Variants in ATP4B observed in about 807,000 individuals in gnomAD.
ATP4B encodes the protein ATPase H+/K+ transporting subunit beta.
A neutral mutation model predicts 35.3 loss-of-function variants in ATP4B; 27 were observed. The observed-to-expected ratio is 0.76, with a 90% CI of 0.56 to 1.05. The LOEUF (loss-of-function observed/expected upper bound fraction) is 1.05. Among genes scored for constraint, ATP4B ranks in the 50% least tolerant of loss-of-function variants. ATP4B has a pLI of 0.00. For missense variants in ATP4B, 375 were observed against 384.8 expected (o/e 0.97, Z 0.21); for synonymous variants, 162 against 156.0 (o/e 1.04, Z -0.29).
At position 113,658,041 on chromosome 13, in the gene ATP4B, G is replaced by C. The variant is rs1273876164; in HGVS notation, c.104C>G (p.Ser35Cys). 6.2e-7 allele frequency: 1 copy of C among 1,601,680 alleles called. No homozygotes were observed. Among genetic ancestry groups the C allele is most frequent in the Non-Finnish European group, 8.5e-7 (1 of 1,175,510 alleles). The change falls in exon 1 of 7, where the codon TCC (serine) becomes TGC (cysteine). Residue 35 changes from serine to cysteine, a missense_variant. Transcript: ENST00000335288. The part of the protein sequence containing the change: ...DTGQMLGRTL[S>C]RWVWISLYYV... ...CCGCCCCCCGCACGTACCCCACCGG[G>C]ACAGGGTGCGGCCCAGCATCTGCCC...
rs140567683 is a variant in ATP4B at position 113,650,853 on chromosome 13, G to A, written c.613-346C>T. Among the ~76,000 whole-genome samples, 403 of 152,260 alleles carry A rather than the reference G, an allele frequency of 2.6e-3. No individual in the cohort carries two copies. The highest frequency in any genetic ancestry group is 9.0e-3 in the African/African-American group (373 of 41,552). ...GCAAGGGCTGGTTTGCCAAAACTGG[G>A]TTACAAGTTGGTGTGAGTGGGGCAA... On this transcript the variant is annotated intron_variant, in intron 5 of 6. Coordinates refer to ENST00000335288, the MANE Select transcript of ATP4B (RefSeq NM_000705.4). This position sits in a 1 kb window ranked among gnomAD's most constrained non-coding sequence, Gnocchi z 5.0.
intron 4 of ATP4B, among the ~76,000 whole-genome samples, chr13:113,652,172 G>C (rs908884795): frequency 1.3e-5 from 2 of 152,148 alleles, no homozygotes; most frequent in Non-Finnish European, 2.9e-5. Context: ...TCCAGCCCCA[G>C]CCATCCCCTG....
intron 1 of ATP4B, among the ~76,000 whole-genome samples, chr13:113,656,101 T>C (rs2049752554): frequency 6.6e-6 from 1 of 152,170 alleles, no homozygotes; most frequent in African/African-American, 2.4e-5. Context: ...CAGCCTCCGG[T>C]TTTGAGTTTC....
At chr13:113,652,801 C>T (rs764093280) in intron 4 of ATP4B, 72 bp downstream of exon 4, 128 of 1,536,932 alleles carry the variant, frequency 8.3e-5, no homozygotes, top group Non-Finnish European at 9.8e-5. Context: ...CTGTGCTCCT[C>T]GTGGTGGGTG....
At chr13:113,656,443 G>A (rs549011458) in intron 1 of ATP4B, among the ~76,000 whole-genome samples, 1 of 152,280 alleles carries the variant, frequency 6.6e-6, no homozygotes, top group East Asian at 1.9e-4. Context: ...CTGCCTCCCG[G>A]GTAGGAGCCC....
chr13:113,651,710 G>A lies in ATP4B; in HGVS notation c.573C>T (p.Pro191=). Residue 191 remains proline, a synonymous_variant, in exon 5 of 7, where the codon CCC becomes CCT. Coordinates refer to ENST00000335288, the MANE Select transcript of ATP4B (RefSeq NM_000705.4). ...IKMNRIVKFL[P]SNGSAPRVDC... ...CCACTCTGGGGGCCGAGCCGTTGCT[G>A]GGGAGGAACTTGACGATCTAGAAGG... is the stretch of plus-strand genomic sequence containing the variant. 6.2e-7 allele frequency: 1 copy of A among 1,613,816 alleles called. No homozygotes were observed. Among genetic ancestry groups the A allele is most frequent in the South Asian group, 1.1e-5 (1 of 91,026 alleles).
Position 113,654,563 on chromosome 13 carries a change from G to A in ATP4B, c.241+251C>T, listed in dbSNP as rs184042525. Among the ~76,000 whole-genome samples the A allele has an allele frequency of 3.6e-4, 55 of 152,370 alleles. 1 individual carries two copies. In the East Asian group the frequency reaches 7.7e-3, roughly 21 times the overall value. ...AAGCCAAAGTCAGATTTTATAATTTGGAGTCATTTTCCTCATGGAAAGAAA... is the reference window on the plus strand; with the variant it reads ...AAGCCAAAGTCAGATTTTATAATTTAGAGTCATTTTCCTCATGGAAAGAAA... On this transcript the variant is annotated intron_variant, in intron 2 of 6. Coordinates refer to ENST00000335288, the MANE Select transcript of ATP4B (RefSeq NM_000705.4).
At position 113,654,808 on chromosome 13, in the gene ATP4B, GC is replaced by G; in HGVS notation, c.241+5del. Reference sequence around the variant, plus strand: ...ACGGCATGGGGGCAACATCCCGGGCGCTTACCTGGTGACCGTAGCTGGTCTT... The same window carrying G: ...ACGGCATGGGGGCAACATCCCGGGCGTTACCTGGTGACCGTAGCTGGTCTT... On this transcript the variant is annotated splice_donor_5th_base_variant and intron_variant, in intron 2 of 6. Coordinates refer to ENST00000335288, the MANE Select transcript of ATP4B (RefSeq NM_000705.4). 6.2e-7 allele frequency: 1 copy of G among 1,613,376 alleles called. No homozygotes were observed. Among genetic ancestry groups the G allele is most frequent in the Non-Finnish European group, 8.5e-7 (1 of 1,179,646 alleles).
At chr13:113,651,770 C>T (rs777500183) in intron 4 of ATP4B, 43 bp from the exon 5 acceptor site, 13 of 1,604,974 alleles carry the variant, frequency 8.1e-6, no homozygotes, top group Admixed American at 3.4e-5. Context: ...CCACCCCCAC[C>T]GCCATGTGAG....
chr13:113,652,765 G>T lies in ATP4B; in HGVS notation c.555+108C>A, dbSNP rs138473007. 5.3e-6 allele frequency: 7 copies of T among 1,329,066 alleles called. No individual in the cohort carries two copies. In the South Asian group the frequency reaches 7.5e-5, roughly 14 times the overall value. The allele number at this position is 1,329,066 out of a possible 1,614,324, so 82.3% of individuals were successfully genotyped here. Reference sequence around the variant, plus strand: ...GTGGTGAGGCTGGAGTCCCTGTCCCGCTTGGGCAAGCCCCAGACAGGACAC... The same window carrying T: ...GTGGTGAGGCTGGAGTCCCTGTCCCTCTTGGGCAAGCCCCAGACAGGACAC... On this transcript the variant is annotated intron_variant, in intron 4 of 6. Transcript: ENST00000335288.
rs780634880 is a variant in ATP4B, at chr13:113,650,421, G to T, written c.699C>A (p.Tyr233Ter). ...GTFSLHYFPY[Y>*]GKKAQPHYSN... ...AGGAACCTACCTGGGCTTTCTTCCC[G>T]TAATAAGGGAAGTAGTGCAGACTGA... The change falls in exon 6 of 7, where the codon TAC becomes TAA. Residue 233 changes from tyrosine (Y) to a stop codon, truncating the protein, a stop_gained. Coordinates refer to ENST00000335288, the MANE Select transcript of ATP4B (RefSeq NM_000705.4). LOFTEE classifies it high-confidence loss of function. The surrounding 1 kb of genome is among the most constrained non-coding windows in gnomAD (Gnocchi z 5.0). 9 of 1,613,894 alleles carry T rather than the reference G, an allele frequency of 5.6e-6. No individual in the cohort carries two copies. The highest frequency in any genetic ancestry group is 7.6e-6 in the Non-Finnish European group (9 of 1,179,830).
chr13:113,656,548 T>C lies in ATP4B; in HGVS notation c.112+1485A>G, dbSNP rs115387013. On this transcript the variant is annotated intron_variant, in intron 1 of 6. Coordinates refer to ENST00000335288, the MANE Select transcript of ATP4B (RefSeq NM_000705.4). The stretch of plus-strand genomic sequence containing the variant: ...CCACGGTGTTCAGGGCACGCTGCAG[T>C]GCACAGGGGAGGGGTTGGGAGGTGA... 7.7e-3 allele frequency among the ~76,000 whole-genome samples: 1,169 copies of C among 152,218 alleles called. 16 individuals carry two copies. The highest frequency in any genetic ancestry group is 0.027 in the African/African-American group (1,125 of 41,520).
At position 113,658,183 on chromosome 13, in the gene ATP4B, C is replaced by A; in HGVS notation, c.-39G>T. ...AGATCCTCCCGTCTGCTCCCTGCAC[C>A]CTCTACGCCCAGACTGAGGCCAGAT... On this transcript the variant is annotated 5_prime_UTR_variant, in exon 1 of 7. Transcript: ENST00000335288. The A allele has an allele frequency of 1.3e-6, 2 of 1,573,132 alleles. No individual in the cohort carries two copies. The highest frequency in any genetic ancestry group is 1.7e-6 in the Non-Finnish European group (2 of 1,154,382).
At chr13:113,656,982 C>T (rs2049760019) in intron 1 of ATP4B, among the ~76,000 whole-genome samples, 1 of 152,216 alleles carries the variant, frequency 6.6e-6, no homozygotes, top group Non-Finnish European at 1.5e-5. Context: ...CCGGTCCCTG[C>T]CTCTCTAGGA....
At position 113,650,009 on chromosome 13, in the gene ATP4B, G is replaced by T. The variant is rs1164005260; in HGVS notation, c.714+397C>A. Among the ~76,000 whole-genome samples, 1 of 151,950 alleles carries T rather than the reference G, an allele frequency of 6.6e-6. No homozygotes were observed. The highest frequency in any genetic ancestry group is 2.4e-5 in the African/African-American group (1 of 41,364). The stretch of plus-strand genomic sequence containing the variant: ...GAGACCCTTTCTCTATAAAAAATAC[G>T]AAAATTAGCTGGGCATGTTGGTGTG... On this transcript the variant is annotated intron_variant, in intron 6 of 6. Coordinates refer to ENST00000335288, the MANE Select transcript of ATP4B (RefSeq NM_000705.4). This position sits in a 1 kb window ranked among gnomAD's most constrained non-coding sequence, Gnocchi z 5.0.
chr13:113,656,933 G>A (rs896977364), intron 1 of ATP4B, among the ~76,000 whole-genome samples: 1 of 152,052 alleles, frequency 6.6e-6, no homozygotes, highest in East Asian at 1.9e-4. Context: ...CTGGCCTCCC[G>A]CTCTGCCGCC....
chr13:113,656,062 G>A (rs77174951), intron 1 of ATP4B, among the ~76,000 whole-genome samples: 3,462 of 152,318 alleles, frequency 0.023, 135 homozygotes, highest in African/African-American at 0.077. Flanking sequence ...TGGTGACGGC[G>A]TTCTTGTGTG....
intron 2 of ATP4B, among the ~76,000 whole-genome samples, chr13:113,654,280 A>G (rs972455713): frequency 6.6e-6 from 1 of 152,196 alleles, no homozygotes; most frequent in African/African-American, 2.4e-5. Flanking sequence ...GAGGTTCTGC[A>G]CTTGCTCTGC....
chr13:113,657,269 G>A (rs992484732), intron 1 of ATP4B, among the ~76,000 whole-genome samples: 2 of 152,206 alleles, frequency 1.3e-5, no homozygotes, highest in Non-Finnish European at 2.9e-5. Flanking sequence ...AGCCGGGGAC[G>A]GCACCAGGCC....
Sources: allele counts gnomAD v4.1 joint callset (sites outside exome capture counted in the v4.1 genomes callset), GRCh38; gene constraint gnomAD v4.1.1; non-coding constraint Gnocchi (gnomAD v3.1); transcripts MANE v1.5; gene names NCBI Gene and HGNC (gene_info 2026-07-23, HGNC 2026-07-21).